KLF3: variants seen among roughly 807,000 people sequenced by gnomAD.
KLF3 encodes Krueppel-like factor 3.
KLF3 carries 6 observed loss-of-function variants against 32.7 expected under a neutral mutation model. The observed-to-expected ratio is 0.18, with a 90% CI of 0.10 to 0.36. The LOEUF (loss-of-function observed/expected upper bound fraction) is 0.36. Among genes scored for constraint, KLF3 ranks in the 10% least tolerant of loss-of-function variants. The probability of loss-of-function intolerance (pLI) is 1.00; values close to 1 mark genes in which losing one functional copy is unlikely to be tolerated. For synonymous variants in KLF3, 145 were observed against 172.8 expected (o/e 0.84, Z 1.26); for missense variants, 338 against 449.7 (o/e 0.75, Z 2.25).
intron 3 of KLF3, 80 bp from the exon 4 acceptor site, chr4:38,689,649 G>A (rs947355162): frequency 2.0e-6 from 2 of 986,372 alleles, no homozygotes; most frequent in Non-Finnish European, 1.5e-6. Context: ...TGTGTTGTAG[G>A]TAGGAGCTAT....
rs1215762339 is a variant in KLF3, at chr4:38,674,615, T to C, written c.-39-5972T>C. Among the ~76,000 whole-genome samples the C allele has an allele frequency of 2.0e-5, 3 of 152,014 alleles. No homozygotes were observed. Among genetic ancestry groups the C allele is most frequent in the Non-Finnish European group, 4.4e-5 (3 of 68,008 alleles). ...GTCAGCTGGGAGACGGAAGTTTGCT[T>C]GGAGGAAGGCAGGTGATTTGGAGCC... On this transcript the variant is annotated intron_variant, in intron 1 of 5. Transcript: ENST00000261438. The surrounding 1 kb of genome is among the most constrained non-coding windows in gnomAD (Gnocchi z 4.1).
chr4:38,682,450 A>G (rs1021557101), intron 2 of KLF3, among the ~76,000 whole-genome samples: 9 of 152,256 alleles, frequency 5.9e-5, no homozygotes, highest in Admixed American at 2.6e-4. Flanking sequence ...ACGTTAGAGG[A>G]AAATGAAGGT....
intron 2 of KLF3, among the ~76,000 whole-genome samples, chr4:38,683,129 C>T (rs1722579600): frequency 6.6e-6 from 1 of 152,042 alleles, no homozygotes; most frequent in Admixed American, 6.6e-5. Flanking sequence ...TTTATTATTC[C>T]TTTTTCTTTT....
At chr4:38,677,163 C>T (rs879774191) in intron 1 of KLF3, among the ~76,000 whole-genome samples, 1 of 151,820 alleles carries the variant, frequency 6.6e-6, no homozygotes, top group African/African-American at 2.4e-5. Flanking sequence ...GGTTTCACCA[C>T]GTCGGCAAGG....
chr4:38,689,905 A>T, intron 4 of KLF3, 26 bp downstream of exon 4: 1 of 1,484,472 alleles, frequency 6.7e-7, no homozygotes, highest in Non-Finnish European at 9.1e-7. Flanking sequence ...TCTACCCAGC[A>T]TTTGCATAGT....
chr4:38,693,354 A>AAG, intron 4 of KLF3, among the ~76,000 whole-genome samples: 1 of 151,444 alleles, frequency 6.6e-6, no homozygotes, highest in South Asian at 2.1e-4. Flanking sequence ...TTTTTTTAAA[A>AAG]AAAAAAAGCA....
Position 38,698,417 on chromosome 4 carries a change from TGTATTCATGACACA to T in KLF3, c.*1155_*1168del. The T allele has an allele frequency of 6.5e-6, 1 of 152,792 alleles. No individual in the cohort carries two copies. The highest frequency in any genetic ancestry group is 2.1e-4 in the South Asian group (1 of 4,830). The allele number at this position is 152,792 out of a possible 1,614,324, so 9.5% of individuals were successfully genotyped here. A position where few individuals can be genotyped will look rare whatever the true frequency, so the allele number is the denominator to read the frequency against. ...TTAAGGTGCCAAATTGGCTGTCATTTGTATTCATGACACATACCATAAAGCATCTGCTAATGCTT... is the reference window on the plus strand; with the variant it reads ...TTAAGGTGCCAAATTGGCTGTCATTTTACCATAAAGCATCTGCTAATGCTT... On this transcript the variant is annotated 3_prime_UTR_variant, in exon 6 of 6. Coordinates refer to ENST00000261438, the MANE Select transcript of KLF3 (RefSeq NM_016531.6).
At chr4:38,673,177 C>T (rs1375147442) in intron 1 of KLF3, among the ~76,000 whole-genome samples, 6 of 152,328 alleles carry the variant, frequency 3.9e-5, no homozygotes, top group Admixed American at 1.3e-4. Context: ...CCCATGGTTC[C>T]TTCTGGTTAT....
chr4:38,693,687 T>TAG lies in KLF3; in HGVS notation c.696-1059_696-1058insAG, dbSNP rs1450824042. Among the ~76,000 whole-genome samples the TAG allele has an allele frequency of 7.2e-5, 11 of 152,326 alleles. No homozygotes were observed. The East Asian group carries it at 2.1e-3, about 29-fold the overall frequency. ...TTCAAATATGAAAGAGAAAGAAGTCTTTCATTACAGTTAGAGGCCAATGAC... is the reference window on the plus strand; with the variant it reads ...TTCAAATATGAAAGAGAAAGAAGTCTAGTTCATTACAGTTAGAGGCCAATGAC... On this transcript the variant is annotated intron_variant, in intron 4 of 5. Transcript: ENST00000261438.
intron 1 of KLF3, among the ~76,000 whole-genome samples, chr4:38,668,126 T>A (rs542787425): frequency 6.6e-6 from 1 of 152,364 alleles, no homozygotes; most frequent in South Asian, 2.1e-4. Context: ...ACAAGAAGAA[T>A]GCTCTTCTCA....
chr4:38,685,124 C>G (rs1053931104), intron 2 of KLF3, among the ~76,000 whole-genome samples: 1 of 152,210 alleles, frequency 6.6e-6, no homozygotes, highest in African/African-American at 2.4e-5. Context: ...CTGTCTGGAA[C>G]AGAGCGGGGA....
chr4:38,689,466 G>A (rs934040295), intron 3 of KLF3, among the ~76,000 whole-genome samples: 11 of 152,178 alleles, frequency 7.2e-5, no homozygotes, highest in African/African-American at 2.2e-4. Context: ...GGACTAAGGG[G>A]TTGAAAGGAA....
At chr4:38,692,173 GT>G (rs1278897451) in intron 4 of KLF3, among the ~76,000 whole-genome samples, 1 of 152,220 alleles carries the variant, frequency 6.6e-6, no homozygotes, top group Non-Finnish European at 1.5e-5. Context: ...AAGAGGGGCT[GT>G]CTCAGCTCAA....
chr4:38,692,707 A>G (rs1297392848), intron 4 of KLF3, among the ~76,000 whole-genome samples: 1 of 152,138 alleles, frequency 6.6e-6, no homozygotes, highest in Non-Finnish European at 1.5e-5. Context: ...TAAAATAAAC[A>G]ACTGGAAAGG....
At chr4:38,678,419 T>C (rs998412601) in intron 1 of KLF3, among the ~76,000 whole-genome samples, 2 of 152,216 alleles carry the variant, frequency 1.3e-5, no homozygotes, top group African/African-American at 4.8e-5. Flanking sequence ...TTGCGGTTAG[T>C]TCTTGCTGGA....
intron 1 of KLF3, among the ~76,000 whole-genome samples, chr4:38,665,568 AAAAT>A (rs1271139275): frequency 1.3e-5 from 2 of 152,226 alleles, no homozygotes; most frequent in African/African-American, 4.8e-5. Flanking sequence ...GTATTTCACT[AAAAT>A]AAACATTTTA....
chr4:38,692,747 A>G (rs553227673), intron 4 of KLF3, among the ~76,000 whole-genome samples: 1 of 152,276 alleles, frequency 6.6e-6, no homozygotes, highest in Non-Finnish European at 1.5e-5. Flanking sequence ...AGAAACGATT[A>G]GATTCCCAAC....
rs11455486 is a variant in KLF3, at chr4:38,674,434, C to CTTTTTTT, written c.-39-6147_-39-6141dup. On this transcript the variant is annotated intron_variant, in intron 1 of 5. Coordinates refer to ENST00000261438, the MANE Select transcript of KLF3 (RefSeq NM_016531.6). The surrounding 1 kb of genome is among the most constrained non-coding windows in gnomAD (Gnocchi z 4.1). ...TTACACACACACATGCACACACCGC[C>CTTTTTTT]TTTTTTTTTTTTCTTTTTTTGCCTT... 6.8e-6 allele frequency among the ~76,000 whole-genome samples: 1 copy of CTTTTTTT among 146,568 alleles called. No individual in the cohort carries two copies.
chr4:38,696,064 T>A (rs1723035272), intron 5 of KLF3, among the ~76,000 whole-genome samples: 1 of 151,314 alleles, frequency 6.6e-6, no homozygotes, highest in African/African-American at 2.4e-5. Flanking sequence ...CAAACAGCAG[T>A]GCAAATCGAT....
Sources: gnomAD v4.1 joint callset for allele counts (sites outside exome capture counted in the v4.1 genomes callset) on GRCh38, gnomAD v4.1.1 for gene constraint, Gnocchi (gnomAD v3.1) non-coding constraint, MANE v1.5 for transcripts, NCBI Gene and HGNC (gene_info 2026-07-23, HGNC 2026-07-21) for gene names.